Variants in ATG9B observed in about 807,000 individuals in gnomAD.
ATG9B encodes the protein autophagy related 9B.
ATG9B carries 92 observed loss-of-function variants against 92.9 expected under a neutral mutation model. The observed-to-expected ratio is 0.99, with a 90% CI of 0.84 to 1.18. ATG9B has a LOEUF of 1.18. ATG9B is among the 50% of genes most tolerant of loss of function. The pLI is 0.00. For missense variants in ATG9B, 1,344 were observed against 1,235.0 expected (o/e 1.09, Z -1.32); for synonymous variants, 599 against 551.4 (o/e 1.09, Z -1.21).
At position 151,018,908 on chromosome 7, in the gene ATG9B, C is replaced by A; in HGVS notation, c.1430G>T (p.Gly477Val). ...ELLRREPGAL[G>V]ARGWSRLARL... is the part of the protein sequence containing the mutation. ...CGCCAGGCGGGACCAGCCGCGCGCC[C>A]CCAGCGCGCCAGGCTCGCGCCGCAG... Residue 477 changes from glycine (G) to valine (V), a missense_variant, in exon 6 of 14, where the codon GGG becomes GTG. Coordinates refer to ENST00000639579, the MANE Select transcript of ATG9B (RefSeq NM_001317056.2). The surrounding 1 kb of genome is among the most constrained non-coding windows in gnomAD (Gnocchi z 4.7). 3 of 1,489,510 alleles carry A rather than the reference C, an allele frequency of 2.0e-6. No homozygotes were observed. Among genetic ancestry groups the A allele is most frequent in the Non-Finnish European group, 2.7e-6 (3 of 1,128,344 alleles). 92.3% of individuals were successfully genotyped at this position (1,489,510 alleles called of 1,614,324 possible).
At chr7:151,017,724 A>G (rs1795559470) in intron 8 of ATG9B, 147 bp downstream of exon 8, 3 of 999,668 alleles carry the variant, frequency 3.0e-6, no homozygotes, top group Non-Finnish European at 4.3e-6. Flanking sequence ...CTGACAGACG[A>G]GGGCACGAGA....
At chr7:151,015,826 C>T (rs961044110) in intron 13 of ATG9B, 56 bp downstream of exon 13, 41 of 1,508,414 alleles carry the variant, frequency 2.7e-5, no homozygotes, top group Non-Finnish European at 3.1e-5. Flanking sequence ...AGTCGGACTC[C>T]AAACCAACTA....
In ATG9B at chr7:151,018,112, C is replaced by T; in HGVS notation, c.1873-62G>A. The T allele has an allele frequency of 6.7e-7, 1 of 1,502,176 alleles. No individual in the cohort carries two copies. The highest frequency in any genetic ancestry group is 8.9e-7 in the Non-Finnish European group (1 of 1,123,344). 93.1% of individuals were successfully genotyped at this position (1,502,176 alleles called of 1,614,324 possible). On this transcript the variant is annotated intron_variant, in intron 7 of 13. Coordinates refer to ENST00000639579, the MANE Select transcript of ATG9B (RefSeq NM_001317056.2). The surrounding 1 kb of genome is among the most constrained non-coding windows in gnomAD (Gnocchi z 4.7). ...GAGGGGCCCACGCGCGTTATCAGGA[C>T]CAAGCAGTCCCCAGCGACCCTCGCC...
At chr7:151,013,956 C>G (rs1367221619), downstream of ATG9B, 2 of 1,603,958 alleles carry the variant, frequency 1.2e-6, no homozygotes, top group East Asian at 4.5e-5. Context: ...GTGCGGGGTT[C>G]CTGCTAAGGT....
chr7:151,013,925 A>G (rs767654066), downstream of ATG9B: 394 of 1,598,652 alleles, frequency 2.5e-4, no homozygotes, highest in Non-Finnish European at 3.3e-4. Flanking sequence ...GCGGGTGCGG[A>G]GGGGCGGGCC....
In ATG9B at chr7:151,023,128, T is replaced by C. The variant is rs1433421525; in HGVS notation, c.738A>G (p.Pro246=). 19 of 1,614,008 alleles carry C rather than the reference T, an allele frequency of 1.2e-5. No individual in the cohort carries two copies. The highest frequency in any genetic ancestry group is 1.4e-5 in the Non-Finnish European group (17 of 1,180,032). Residue 246 remains proline, a synonymous_variant, in exon 4 of 14, where the codon CCA becomes CCG. Coordinates refer to ENST00000639579, the MANE Select transcript of ATG9B (RefSeq NM_001317056.2). ...ACGGCCCAGGTCTGGTATGGTTACT[T>C]GGTTGGTTGGCAAAGAGAACATTGT... ...VDYNVLFANQ[P]SNHTRPGPFH...
At position 151,023,005 on chromosome 7, in the gene ATG9B, C is replaced by A. The variant is rs775357401; in HGVS notation, c.821+40G>T. The A allele has an allele frequency of 1.4e-5, 22 of 1,613,270 alleles. No individual in the cohort carries two copies. The Admixed American group carries it at 1.8e-4, about 13-fold the overall frequency. On this transcript the variant is annotated intron_variant, in intron 4 of 13. Coordinates refer to ENST00000639579, the MANE Select transcript of ATG9B (RefSeq NM_001317056.2). ...TCCCGTCTACTCCTCTACCCACTGC[C>A]CATGCTTCACCCCCAGGGCCCCACC...
At position 151,023,077 on chromosome 7, in the gene ATG9B, A is replaced by G. The variant is rs1795809732; in HGVS notation, c.789T>C (p.Asp263=). ...CACACTGGGCTGAGGGTAGGATGGC[A>G]TCTGACAGGGTCACTTTGCTGTGGA... ...GPFHSKVTLS[D]AILPSAQCAE... Residue 263 remains aspartate, a synonymous_variant, in exon 4 of 14, where the codon GAT becomes GAC. Transcript: ENST00000639579. The G allele has an allele frequency of 1.2e-6, 2 of 1,614,050 alleles. No homozygotes were observed. The highest frequency in any genetic ancestry group is 1.7e-5 in the Admixed American group (1 of 60,004).
chr7:151,018,372 G>A lies in ATG9B; in HGVS notation c.1794C>T (p.His598=), dbSNP rs1027201337. The A allele has an allele frequency of 6.3e-7, 1 of 1,598,148 alleles. No homozygotes were observed. The highest frequency in any genetic ancestry group is 8.5e-7 in the Non-Finnish European group (1 of 1,173,802). ...LLLQTALAHM[H]YLPEEPGPGG... ...CGGGGCCGGGCTCCTCCGGGAGGTA[G>A]TGCATGTGGGCCAGGGCTGTCTGCA... The change falls in exon 7 of 14, where the codon CAC becomes CAT. Residue 598 remains histidine, a synonymous_variant. Transcript: ENST00000639579. This position sits in a 1 kb window ranked among gnomAD's most constrained non-coding sequence, Gnocchi z 4.7.
At chr7:151,023,022 G>A in intron 4 of ATG9B, 23 bp downstream of exon 4, 1 of 1,613,762 alleles carries the variant, frequency 6.2e-7, no homozygotes, top group Non-Finnish European at 8.5e-7. Flanking sequence ...TCACCCCCAG[G>A]GCCCCACCAG....
At chr7:151,016,852 AG>A in intron 9 of ATG9B, 31 bp from the exon 10 acceptor site, 1 of 1,584,780 alleles carries the variant, frequency 6.3e-7, no homozygotes. Context: ...AAAGCCAAAG[AG>A]GGAGTCAGAA....
In ATG9B at chr7:151,024,466, T is replaced by C; in HGVS notation, c.-43A>G. ...AGAAAGGTTGGAAGGATGGGAGCTG[T>C]TGTTGCTTCCACAAAGGTCTGTGAC... On this transcript the variant is annotated 5_prime_UTR_variant, in exon 1 of 14. Coordinates refer to ENST00000639579, the MANE Select transcript of ATG9B (RefSeq NM_001317056.2). The C allele has an allele frequency of 7.8e-7, 1 of 1,281,388 alleles. No homozygotes were observed. The highest frequency in any genetic ancestry group is 1.0e-6 in the Non-Finnish European group (1 of 1,003,056). 79.4% of individuals were successfully genotyped at this position (1,281,388 alleles called of 1,614,324 possible). A position where few individuals can be genotyped will look rare whatever the true frequency, so the allele number is the denominator to read the frequency against.
rs1471079444 is a variant in ATG9B, at chr7:151,017,985, G to C, written c.1938C>G (p.Arg646=). ...LTPLFLLFWF[R]PRALEIIDFF... is the part of the protein sequence containing the mutation. Reference sequence around the variant, plus strand: ...AGTCGATAATCTCCAGGGCACGAGGGCGGAACCAGAAAAGCAGAAACAGCG... The same window carrying C: ...AGTCGATAATCTCCAGGGCACGAGGCCGGAACCAGAAAAGCAGAAACAGCG... The change falls in exon 8 of 14, where the codon CGC becomes CGG. Residue 646 remains arginine (R), a synonymous_variant. Coordinates refer to ENST00000639579, the MANE Select transcript of ATG9B (RefSeq NM_001317056.2). 1.2e-6 allele frequency: 2 copies of C among 1,605,688 alleles called. No homozygotes were observed. Among genetic ancestry groups the C allele is most frequent in the Admixed American group, 3.4e-5 (2 of 58,762 alleles).
chr7:151,013,792 G>A (rs144040397), downstream of ATG9B: 7 of 1,611,242 alleles, frequency 4.3e-6, no homozygotes, highest in South Asian at 7.7e-5. Flanking sequence ...GCCTCGAGCG[G>A]GGCCACATGT....
rs752863223 is a variant in ATG9B, at chr7:151,024,332, G to A, written c.92C>T (p.Pro31Leu). Residue 31 changes from proline (P) to leucine (L), a missense_variant, in exon 1 of 14, where the codon CCA (proline) becomes CTA (leucine). By Grantham distance (98) the Pro-to-Leu change is moderately conservative. Transcript: ENST00000639579. ...GPGSVPLLPM[P>L]LPPPPPPSCR... ...TGAAGGAGGAGGAGGAGGTGGCAGT[G>A]GCATGGGGAGGAGGGGCACCGATCC... 1.3e-4 allele frequency: 185 copies of A among 1,422,520 alleles called. No individual in the cohort carries two copies. Among genetic ancestry groups the A allele is most frequent in the Non-Finnish European group, 1.7e-4 (181 of 1,084,470 alleles). The allele number at this position is 1,422,520 out of a possible 1,614,324, so 88.1% of individuals were successfully genotyped here.
At chr7:151,019,702 T>A in intron 5 of ATG9B, 1 of 275,484 alleles carries the variant, frequency 3.6e-6, no homozygotes, top group Non-Finnish European at 6.8e-6. Flanking sequence ...CTTAAGGGCC[T>A]GAGGCCCCCT....
Position 151,018,372 on chromosome 7 carries a change from G to T in ATG9B, c.1794C>A (p.His598Gln). Residue 598 changes from histidine (H) to glutamine (Q), a missense_variant, in exon 7 of 14, where the codon CAC becomes CAA. Transcript: ENST00000639579. The surrounding 1 kb of genome is among the most constrained non-coding windows in gnomAD (Gnocchi z 4.7). ...LLLQTALAHM[H>Q]YLPEEPGPGG... The stretch of plus-strand genomic sequence containing the variant: ...CGGGGCCGGGCTCCTCCGGGAGGTA[G>T]TGCATGTGGGCCAGGGCTGTCTGCA... 1 of 1,598,148 alleles carries T rather than the reference G, an allele frequency of 6.3e-7. No individual in the cohort carries two copies.
Position 151,024,263 on chromosome 7 carries a change from G to T in ATG9B, c.161C>A (p.Ser54Tyr), listed in dbSNP as rs1277074878. 6.8e-7 allele frequency: 1 copy of T among 1,460,282 alleles called. No individual in the cohort carries two copies. The allele number at this position is 1,460,282 out of a possible 1,614,324, so 90.5% of individuals were successfully genotyped here. The change falls in exon 1 of 14, where the codon TCC becomes TAC. Residue 54 changes from serine (S) to tyrosine (Y), a missense_variant. Physicochemically the swap from Ser to Tyr is moderately radical, Grantham distance 144. Transcript: ENST00000639579. ...GGGRISIFSL[S>Y]PAPHTRSSPS... ...GGAGCTTCTTGTATGAGGGGCAGGGGACAGAGAGAAGATGGAGATCCTCCC... is the reference window on the plus strand; with the variant it reads ...GGAGCTTCTTGTATGAGGGGCAGGGTACAGAGAGAAGATGGAGATCCTCCC...
downstream of ATG9B, chr7:151,013,673 G>A (rs1294002992): frequency 7.0e-7 from 1 of 1,437,216 alleles, no homozygotes; most frequent in Non-Finnish European, 9.4e-7. Flanking sequence ...CCCGGGCTGC[G>A]CCCCCGCGCC....
Sources: gnomAD v4.1 joint callset for allele counts on GRCh38, gnomAD v4.1.1 for gene constraint, Gnocchi (gnomAD v3.1) non-coding constraint, MANE v1.5 for transcripts, NCBI Gene and HGNC (gene_info 2026-07-23, HGNC 2026-07-21) for gene names.